MKNK1: variants seen among roughly 807,000 people sequenced by gnomAD.
The protein encoded by MKNK1 is MAPK interacting serine/threonine kinase 1, also known as MAP kinase-interacting serine/threonine-protein kinase 1.
MKNK1 carries 30 observed loss-of-function variants against 49.3 expected under a neutral mutation model. The ratio of observed to expected loss-of-function variants is 0.61; its 90% CI spans 0.46 to 0.83. The LOEUF (loss-of-function observed/expected upper bound fraction) is 0.83, where lower values mean the gene tolerates loss of function less well. Ranked by LOEUF, MKNK1 falls within the 40% of genes least tolerant of loss-of-function variation. The pLI is 0.00. For synonymous variants in MKNK1, 176 were observed against 201.7 expected (o/e 0.87, Z 1.08); for missense variants, 423 against 524.7 (o/e 0.81, Z 1.89).
At position 46,565,902 on chromosome 1, in the gene MKNK1, C is replaced by T. The variant is rs140145052; in HGVS notation, c.514-766G>A. ...GGGCAAGTCCCTCGACTTCTTTCTCCCCTTCCTTCCTCCCTCCCCTTTTCT... is the reference window on the plus strand; with the variant it reads ...GGGCAAGTCCCTCGACTTCTTTCTCTCCTTCCTTCCTCCCTCCCCTTTTCT... On this transcript the variant is annotated intron_variant, in intron 8 of 12. Transcript: ENST00000371945. 5.3e-3 allele frequency among the ~76,000 whole-genome samples: 800 copies of T among 152,150 alleles called. 9 individuals carry two copies. Among genetic ancestry groups the T allele is most frequent in the South Asian group, 0.032 (154 of 4,814 alleles).
intron 2 of MKNK1, among the ~76,000 whole-genome samples, chr1:46,590,890 T>C (rs1673245180): frequency 6.6e-6 from 1 of 152,236 alleles, no homozygotes; most frequent in South Asian, 2.1e-4. Flanking sequence ...TATTACCACA[T>C]TATCATCGTC....
At chr1:46,577,291 C>T (rs1014036656) in intron 4 of MKNK1, among the ~76,000 whole-genome samples, 2 of 152,072 alleles carry the variant, frequency 1.3e-5, no homozygotes. Flanking sequence ...CCAGCCTGGC[C>T]AACACGGTGA....
Position 46,568,471 on chromosome 1 carries a change from T to C in MKNK1, c.485A>G (p.Glu162Gly). The C allele has an allele frequency of 6.2e-7, 1 of 1,614,168 alleles. No individual in the cohort carries two copies. The highest frequency in any genetic ancestry group is 8.5e-7 in the Non-Finnish European group (1 of 1,180,024). ...TTCTGGAGATTCACACAATATATTT[T>C]CTGGTTTCAGATCACGATGAGCAAT... The part of the protein sequence containing the change: ...KGIAHRDLKP[E>G]NILCESPEKV... Residue 162 changes from glutamate to glycine, a missense_variant, in exon 8 of 13, where the codon GAA becomes GGA. Physicochemically the swap from Glu to Gly is moderately conservative, Grantham distance 98 (BLOSUM62 -2). Coordinates refer to ENST00000371945, the MANE Select transcript of MKNK1 (RefSeq NM_001135553.4).
chr1:46,568,459 C>T lies in MKNK1; in HGVS notation c.497G>A (p.Cys166Tyr), dbSNP rs1313591079. 2 of 1,613,980 alleles carry T rather than the reference C, an allele frequency of 1.2e-6. No individual in the cohort carries two copies. The highest frequency in any genetic ancestry group is 1.7e-6 in the Non-Finnish European group (2 of 1,180,004). Residue 166 changes from cysteine (C) to tyrosine (Y), a missense_variant, in exon 8 of 13, where the codon TGT (cysteine) becomes TAT (tyrosine). By Grantham distance (194) the Cys-to-Tyr change is radical. Transcript: ENST00000371945. ...HRDLKPENIL[C>Y]ESPEKVSPVK... ...CCAAAGTACCTTTTCTGGAGATTCA[C>T]ACAATATATTTTCTGGTTTCAGATC...
intron 1 of MKNK1, among the ~76,000 whole-genome samples, chr1:46,600,139 T>G (rs1010293638): frequency 1.3e-5 from 2 of 152,338 alleles, no homozygotes; most frequent in African/African-American, 4.8e-5. Flanking sequence ...TGGGATTGAT[T>G]TCTCCTTCTT....
chr1:46,585,688 A>G (rs1254648783), intron 2 of MKNK1: 6 of 424,148 alleles, frequency 1.4e-5, no homozygotes, highest in Non-Finnish European at 2.9e-5. Context: ...GGCTGGAGGC[A>G]TTATAATTCA....
intron 2 of MKNK1, chr1:46,584,847 G>C (rs1672279518): frequency 6.6e-6 from 1 of 152,138 alleles, no homozygotes; most frequent in South Asian, 2.1e-4. Flanking sequence ...ATGGGGAACA[G>C]ATAAACACAC....
chr1:46,564,358 A>G (rs1370577868), intron 9 of MKNK1, among the ~76,000 whole-genome samples: 3 of 151,572 alleles, frequency 2.0e-5, no homozygotes, highest in East Asian at 3.9e-4. Flanking sequence ...CAGTGGGAAT[A>G]GGACTTACAG....
At chr1:46,584,925 T>C (rs1162952123) in intron 2 of MKNK1, 1 of 151,964 alleles carries the variant, frequency 6.6e-6, no homozygotes, top group Non-Finnish European at 1.5e-5. Flanking sequence ...ACAAGATATA[T>C]CTGGGGACTG....
intron 3 of MKNK1, chr1:46,582,998 G>A: frequency 1.5e-6 from 1 of 666,630 alleles, no homozygotes; most frequent in Non-Finnish European, 2.8e-6. Context: ...AGCAGTACCT[G>A]AGCCATTCAC....
chr1:46,561,772 A>G, intron 10 of MKNK1, 130 bp from the exon 11 acceptor site: 1 of 992,630 alleles, frequency 1.0e-6, no homozygotes, highest in Non-Finnish European at 1.5e-6. Context: ...GATGCCACAG[A>G]CTGGGGCCTC....
chr1:46,561,650 C>CA lies in MKNK1; in HGVS notation c.805-9dup. ...GCTTTCAAACAGCTTGTTCTAGGTA[C>CA]AAAAGATTCCTCCTGAGGCCACACT... On this transcript the variant is annotated splice_polypyrimidine_tract_variant and intron_variant, in intron 10 of 12. Transcript: ENST00000371945. 6.2e-7 allele frequency: 1 copy of CA among 1,613,068 alleles called. No homozygotes were observed. The highest frequency in any genetic ancestry group is 8.5e-7 in the Non-Finnish European group (1 of 1,179,438).
chr1:46,558,943 T>C, intron 12 of MKNK1, 143 bp from the exon 13 acceptor site: 1 of 678,786 alleles, frequency 1.5e-6, no homozygotes. Context: ...CTCTCCAAAG[T>C]AGTTCTTGCC....
At chr1:46,563,788 G>A (rs1668470239) in intron 9 of MKNK1, among the ~76,000 whole-genome samples, 1 of 152,170 alleles carries the variant, frequency 6.6e-6, no homozygotes, top group Admixed American at 6.5e-5. Flanking sequence ...GCTCACGCCT[G>A]TAATCCCAGC....
At chr1:46,602,434 C>T (rs1294892782) in intron 1 of MKNK1, among the ~76,000 whole-genome samples, 1 of 151,950 alleles carries the variant, frequency 6.6e-6, no homozygotes, top group East Asian at 1.9e-4. Context: ...GAAACAGAGA[C>T]AACTAGTTTA....
At chr1:46,572,406 G>T in intron 6 of MKNK1, 1 of 332,078 alleles carries the variant, frequency 3.0e-6, no homozygotes. Context: ...TTTTAGTAGA[G>T]ATGGGGTTTC....
chr1:46,557,887 C>CTT lies in MKNK1; in HGVS notation c.*686_*687dup, dbSNP rs879248859. On this transcript the variant is annotated 3_prime_UTR_variant, in exon 13 of 13. Coordinates refer to ENST00000371945, the MANE Select transcript of MKNK1 (RefSeq NM_001135553.4). ...GAACAGCATGGTTAAAAACACCAAA[C>CTT]TTTTTTTTTAAAAAAACGATACTAC... The CTT allele has an allele frequency of 6.6e-6, 1 of 152,032 alleles. No homozygotes were observed. The highest frequency in any genetic ancestry group is 2.4e-5 in the African/African-American group (1 of 41,372). 9.4% of individuals were successfully genotyped at this position (152,032 alleles called of 1,614,324 possible). A position where few individuals can be genotyped will look rare whatever the true frequency, so the allele number is the denominator to read the frequency against.
chr1:46,570,278 A>G (rs1229482506), intron 7 of MKNK1: 1 of 150,850 alleles, frequency 6.6e-6, no homozygotes, highest in African/African-American at 2.4e-5. Context: ...ATCTTGTAAA[A>G]AGCGTGACCC....
At chr1:46,590,868 A>C (rs1166009313) in intron 2 of MKNK1, among the ~76,000 whole-genome samples, 2 of 152,214 alleles carry the variant, frequency 1.3e-5, no homozygotes, top group Admixed American at 1.3e-4. Flanking sequence ...GCTTCTGGAA[A>C]TATGAAGGCA....
Sources: allele counts gnomAD v4.1 joint callset (sites outside exome capture counted in the v4.1 genomes callset), GRCh38; gene constraint gnomAD v4.1.1; transcripts MANE v1.5; gene names NCBI Gene and HGNC (gene_info 2026-07-23, HGNC 2026-07-21).